Variants in STXBP6 observed in about 807,000 individuals in gnomAD.
STXBP6 encodes the protein syntaxin-binding protein 6.
STXBP6 carries 21 observed loss-of-function variants against 26.9 expected under a neutral mutation model. The ratio of observed to expected loss-of-function variants is 0.78; its 90% CI spans 0.55 to 1.12. The LOEUF (loss-of-function observed/expected upper bound fraction) is 1.12. Ranked by LOEUF, STXBP6 falls within the 50% of genes most tolerant of loss-of-function variation. The pLI is 0.00. For synonymous variants in STXBP6, 97 were observed against 92.6 expected (o/e 1.05, Z -0.27); for missense variants, 232 against 257.9 (o/e 0.90, Z 0.69).
At chr14:24,815,425 TA>T (rs2067942960) in intron 5 of STXBP6, among the ~76,000 whole-genome samples, 1 of 151,054 alleles carries the variant, frequency 6.6e-6, no homozygotes. Flanking sequence ...TTACTGTTGA[TA>T]AATAATAAAA....
chr14:24,960,041 C>A (rs184224452), intron 2 of STXBP6, among the ~76,000 whole-genome samples: 1 of 152,162 alleles, frequency 6.6e-6, no homozygotes, highest in Admixed American at 6.5e-5. Context: ...AGCAGACAAC[C>A]CCTGAAAGGA....
chr14:24,819,586 G>A (rs1368714806), intron 4 of STXBP6: 1 of 429,348 alleles, frequency 2.3e-6, no homozygotes, highest in East Asian at 3.6e-5. Context: ...GACATATCTG[G>A]ATCTTATGTT....
intron 1 of STXBP6, among the ~76,000 whole-genome samples, chr14:25,015,800 GAA>G (rs57895563): frequency 0.11 from 15,310 of 135,024 alleles, 869 homozygotes; most frequent in African/African-American, 0.17. Context: ...CAACAACAAG[GAA>G]AAAAAAAAAA....
intron 2 of STXBP6, among the ~76,000 whole-genome samples, chr14:24,909,304 C>T (rs1052314354): frequency 2.6e-5 from 4 of 152,214 alleles, no homozygotes; most frequent in Admixed American, 6.5e-5. Flanking sequence ...ATGCGTGGAG[C>T]GCTTTCCAGT....
At chr14:24,942,076 G>T (rs890257109) in intron 2 of STXBP6, among the ~76,000 whole-genome samples, 1 of 152,206 alleles carries the variant, frequency 6.6e-6, no homozygotes, top group Admixed American at 6.5e-5. Flanking sequence ...ATCTGCTGTT[G>T]GGGACACAGT....
intron 2 of STXBP6, among the ~76,000 whole-genome samples, chr14:24,870,916 T>G (rs1252493963): frequency 6.6e-6 from 1 of 152,222 alleles, no homozygotes; most frequent in Non-Finnish European, 1.5e-5. Context: ...TGGTCAGTAC[T>G]GCTATTTGAG....
chr14:24,828,852 A>G (rs2068368706), intron 4 of STXBP6, among the ~76,000 whole-genome samples: 1 of 152,210 alleles, frequency 6.6e-6, no homozygotes, highest in Non-Finnish European at 1.5e-5. Context: ...ATGCACAAGA[A>G]TGACATAGAG....
chr14:24,981,167 C>T (rs1411618604), intron 1 of STXBP6, among the ~76,000 whole-genome samples: 1 of 152,148 alleles, frequency 6.6e-6, no homozygotes, highest in African/African-American at 2.4e-5. Flanking sequence ...TCATGATTTA[C>T]AAAGTATTTC....
At chr14:25,040,992 G>A (rs1488561118) in intron 1 of STXBP6, among the ~76,000 whole-genome samples, 1 of 152,172 alleles carries the variant, frequency 6.6e-6, no homozygotes, top group Non-Finnish European at 1.5e-5. Context: ...CCTTATATAA[G>A]TGCCAACTTC....
rs117609645 is a variant in STXBP6, at chr14:24,960,059, C to G, written c.154+14606G>C. Among the ~76,000 whole-genome samples, 22 of 152,344 alleles carry G rather than the reference C, an allele frequency of 1.4e-4. No homozygotes were observed. In the East Asian group the frequency reaches 2.7e-3, roughly 19 times the overall value. On this transcript the variant is annotated intron_variant, in intron 2 of 5. Transcript: ENST00000323944. ...AGACAACCCCTGAAAGGAGAACCATCATTTGCAGCTGCTAAGTGCTAAGCA... is the reference window on the plus strand; with the variant it reads ...AGACAACCCCTGAAAGGAGAACCATGATTTGCAGCTGCTAAGTGCTAAGCA...
At chr14:24,921,851 C>G (rs1478662996) in intron 2 of STXBP6, among the ~76,000 whole-genome samples, 2 of 142,232 alleles carry the variant, frequency 1.4e-5, no homozygotes, top group Non-Finnish European at 3.1e-5. Flanking sequence ...CACATTTCAG[C>G]TATTTTTTTG....
chr14:25,031,959 T>C (rs979449509), intron 1 of STXBP6, among the ~76,000 whole-genome samples: 1 of 151,992 alleles, frequency 6.6e-6, no homozygotes, highest in Admixed American at 6.6e-5. Context: ...AAATGGACAA[T>C]AGTATCACTG....
At chr14:24,931,134 A>AAAAAAAAAACAAAAAC (rs1566486307) in intron 2 of STXBP6, among the ~76,000 whole-genome samples, 2 of 118,008 alleles carry the variant, frequency 1.7e-5, no homozygotes, top group African/African-American at 3.4e-5. Flanking sequence ...AAAAAAAAAA[A>AAAAAAAAAACAAAAAC]AAAAAAAACC....
intron 1 of STXBP6, among the ~76,000 whole-genome samples, chr14:25,001,125 C>T (rs1376618713): frequency 2.0e-5 from 3 of 152,156 alleles, no homozygotes; most frequent in Admixed American, 6.5e-5. Context: ...GGCTTTTTCT[C>T]TTGGAACAAC....
chr14:24,944,732 G>A (rs1444738160), intron 2 of STXBP6, among the ~76,000 whole-genome samples: 1 of 152,092 alleles, frequency 6.6e-6, no homozygotes. Flanking sequence ...CCACTGCACT[G>A]CTGTCCTAGG....
chr14:24,822,865 A>G (rs542591756), intron 4 of STXBP6, among the ~76,000 whole-genome samples: 1 of 152,286 alleles, frequency 6.6e-6, no homozygotes, highest in East Asian at 1.9e-4. Flanking sequence ...TCAGACAGGG[A>G]GTTTCACACG....
At chr14:24,914,303 C>T (rs956496199) in intron 2 of STXBP6, among the ~76,000 whole-genome samples, 7 of 151,984 alleles carry the variant, frequency 4.6e-5, no homozygotes, top group African/African-American at 1.2e-4. Context: ...TATTAATATG[C>T]CTGACACCAT....
At chr14:24,851,942 C>A (rs986440222) in intron 4 of STXBP6, among the ~76,000 whole-genome samples, 22 of 152,090 alleles carry the variant, frequency 1.4e-4, no homozygotes, top group Admixed American at 1.0e-3. Flanking sequence ...GCTGTTGGAA[C>A]CCCCAAAAAC....
chr14:24,899,797 AAAGC>A (rs1388100160), intron 2 of STXBP6, among the ~76,000 whole-genome samples: 1 of 85,608 alleles, frequency 1.2e-5, no homozygotes, highest in Non-Finnish European at 2.1e-5. Flanking sequence ...AAAAAAAAAA[AAAGC>A]AAAAAAAAAA....
Sources: gnomAD v4.1 joint callset for allele counts (sites outside exome capture counted in the v4.1 genomes callset) on GRCh38, gnomAD v4.1.1 for gene constraint, MANE v1.5 for transcripts, NCBI Gene and HGNC (gene_info 2026-07-23, HGNC 2026-07-21) for gene names.